The following CNTNAP2 variants were observed in gnomAD, a reference collection of about 807,000 sequenced individuals.
CNTNAP2 encodes the protein contactin associated protein 2, also known as contactin-associated protein-like 2.
A neutral mutation model predicts 155.2 loss-of-function variants in CNTNAP2; 98 were observed. That is an observed-to-expected ratio of 0.63 (90% confidence interval 0.54 to 0.75). The LOEUF (loss-of-function observed/expected upper bound fraction) is 0.75, where lower values mean the gene tolerates loss of function less well. CNTNAP2 is among the 30% of genes least tolerant of loss of function. CNTNAP2 has a pLI of 0.00. For synonymous variants in CNTNAP2, 651 were observed against 631.2 expected (o/e 1.03, Z -0.47); for missense variants, 1,727 against 1,688.1 (o/e 1.02, Z -0.40).
At chr7:147,217,496 T>C (rs1470925956) in intron 8 of CNTNAP2, among the ~76,000 whole-genome samples, 2 of 152,060 alleles carry the variant, frequency 1.3e-5, no homozygotes, top group African/African-American at 4.8e-5. Flanking sequence ...ATACCTGAGA[T>C]AAATCTAAGT....
chr7:148,053,907 G>T (rs1048711106), intron 15 of CNTNAP2, among the ~76,000 whole-genome samples: 1 of 151,174 alleles, frequency 6.6e-6, no homozygotes, highest in Non-Finnish European at 1.5e-5. Context: ...AGCAGGCTGA[G>T]ATAATGGAAA....
chr7:147,851,345 A>G (rs1356916813), intron 13 of CNTNAP2, among the ~76,000 whole-genome samples: 3 of 152,232 alleles, frequency 2.0e-5, no homozygotes, highest in Non-Finnish European at 2.9e-5. Context: ...TAATTCAACC[A>G]TTGTGGAAGA....
chr7:147,785,338 A>G (rs890340272), intron 13 of CNTNAP2, among the ~76,000 whole-genome samples: 1 of 152,204 alleles, frequency 6.6e-6, no homozygotes, highest in Non-Finnish European at 1.5e-5. Flanking sequence ...AGGATGGCTC[A>G]GGAGGGAAGG....
chr7:147,197,957 G>A (rs1180554948), intron 8 of CNTNAP2, among the ~76,000 whole-genome samples: 2 of 152,056 alleles, frequency 1.3e-5, no homozygotes, highest in Admixed American at 6.6e-5. Flanking sequence ...AAGCAAAAGC[G>A]ACTTCAGAAA....
At chr7:147,010,932 C>A (rs1243965665) in intron 3 of CNTNAP2, among the ~76,000 whole-genome samples, 1 of 152,062 alleles carries the variant, frequency 6.6e-6, no homozygotes. Context: ...GTACCTTCCA[C>A]AGTAGAGAAG....
chr7:146,260,433 C>T (rs1234151943), intron 1 of CNTNAP2, among the ~76,000 whole-genome samples: 1 of 152,218 alleles, frequency 6.6e-6, no homozygotes, highest in Non-Finnish European at 1.5e-5. Context: ...GTTGCAGGCA[C>T]TCAATGCCAG....
chr7:147,925,669 G>C (rs979774539), intron 14 of CNTNAP2, among the ~76,000 whole-genome samples: 3 of 152,152 alleles, frequency 2.0e-5, no homozygotes, highest in Admixed American at 6.5e-5. Flanking sequence ...CACCATGTTA[G>C]CCAGGATAGT....
At chr7:146,590,418 C>G (rs1177955460) in intron 1 of CNTNAP2, among the ~76,000 whole-genome samples, 7 of 152,154 alleles carry the variant, frequency 4.6e-5, no homozygotes, top group Non-Finnish European at 4.4e-5. Context: ...AATGATCATG[C>G]CTGTCCACCC....
At chr7:146,978,590 C>T (rs926864059) in intron 3 of CNTNAP2, among the ~76,000 whole-genome samples, 4 of 149,304 alleles carry the variant, frequency 2.7e-5, no homozygotes, top group Non-Finnish European at 6.1e-5. Flanking sequence ...CTCTCTCTCC[C>T]TCTCTCTAGT....
At chr7:148,281,637 G>A (rs1403172968) in intron 21 of CNTNAP2, among the ~76,000 whole-genome samples, 1 of 152,124 alleles carries the variant, frequency 6.6e-6, no homozygotes, top group East Asian at 1.9e-4. Context: ...TTCAAGGCTG[G>A]CTTCTCATTC....
At chr7:147,733,789 TG>T (rs1796788877) in intron 13 of CNTNAP2, among the ~76,000 whole-genome samples, 1 of 152,190 alleles carries the variant, frequency 6.6e-6, no homozygotes, top group Admixed American at 6.6e-5. Flanking sequence ...CAATTGTGAA[TG>T]GGAATTTACT....
chr7:146,288,266 C>G (rs1800369965), intron 1 of CNTNAP2, among the ~76,000 whole-genome samples: 1 of 149,206 alleles, frequency 6.7e-6, no homozygotes, highest in African/African-American at 2.5e-5. Context: ...CCACTGCACT[C>G]CAGCCTGGGT....
At chr7:148,383,380 C>G (rs2116658560) in intron 21 of CNTNAP2, among the ~76,000 whole-genome samples, 1 of 152,220 alleles carries the variant, frequency 6.6e-6, no homozygotes, top group South Asian at 2.1e-4. Flanking sequence ...TCGGCAGCGT[C>G]TGAAGTAGCC....
chr7:147,704,619 C>T (rs961429147), intron 13 of CNTNAP2: 1 of 153,648 alleles, frequency 6.5e-6, no homozygotes, highest in Non-Finnish European at 1.5e-5. Context: ...ATAATTCCCT[C>T]TTCTTCAGTC....
Position 146,682,752 on chromosome 7 carries a change from T to C in CNTNAP2, c.98-91519T>C, listed in dbSNP as rs150053076. Among the ~76,000 whole-genome samples, 205 of 152,298 alleles carry C rather than the reference T, an allele frequency of 1.3e-3. 1 individual carries two copies. The South Asian group carries it at 0.016, about 12-fold the overall frequency. On this transcript the variant is annotated intron_variant, in intron 1 of 23. Transcript: ENST00000361727. ...CAACAGACATTTCAGGGCAAAGATA[T>C]TTGCATTGCTAAGCAGAAATACATT...
chr7:147,785,627 A>G (rs1346979524), intron 13 of CNTNAP2, among the ~76,000 whole-genome samples: 1 of 152,206 alleles, frequency 6.6e-6, no homozygotes, highest in Non-Finnish European at 1.5e-5. Flanking sequence ...GTGTAATAAC[A>G]ATGACATATA....
chr7:146,590,403 A>C (rs953139047), intron 1 of CNTNAP2, among the ~76,000 whole-genome samples: 1 of 152,198 alleles, frequency 6.6e-6, no homozygotes, highest in African/African-American at 2.4e-5. Flanking sequence ...CAAGTTTTTA[A>C]TGACAATGAT....
intron 1 of CNTNAP2, among the ~76,000 whole-genome samples, chr7:146,594,312 C>T (rs1798827220): frequency 6.6e-6 from 1 of 152,098 alleles, no homozygotes; most frequent in Non-Finnish European, 1.5e-5. Context: ...CATATGTAGC[C>T]TTCCAGGCTT....
chr7:147,365,977 G>A (rs1015307418), intron 9 of CNTNAP2, among the ~76,000 whole-genome samples: 1 of 152,004 alleles, frequency 6.6e-6, no homozygotes. Flanking sequence ...TTTTTATTCG[G>A]CACTGATTAT....
Sources: allele counts gnomAD v4.1 joint callset (sites outside exome capture counted in the v4.1 genomes callset), GRCh38; gene constraint gnomAD v4.1.1; transcripts MANE v1.5; gene names NCBI Gene and HGNC (gene_info 2026-07-23, HGNC 2026-07-21).